Variants in SMAP1 observed in about 807,000 individuals in gnomAD.
SMAP1 encodes the protein small ArfGAP 1.
Under a neutral mutation model 58.5 loss-of-function variants are expected in SMAP1, and 24 were observed. That is an observed-to-expected ratio of 0.41 (90% CI 0.30 to 0.58). The LOEUF (loss-of-function observed/expected upper bound fraction) is 0.58, where lower values mean the gene tolerates loss of function less well. SMAP1 is among the 20% of genes least tolerant of loss of function. SMAP1 has a pLI of 0.29. For missense variants in SMAP1, 563 were observed against 566.3 expected, an observed-to-expected ratio of 0.99 and a Z score of 0.06; for synonymous variants, 216 against 196.6, an observed-to-expected ratio of 1.10 and a Z score of -0.82.
chr6:70,670,358 G>A (rs1766212456), intron 1 of SMAP1, among the ~76,000 whole-genome samples: 1 of 152,112 alleles, frequency 6.6e-6, no homozygotes, highest in Non-Finnish European at 1.5e-5. Context: ...AAAATCACAG[G>A]TAAGGCCACT....
chr6:70,811,244 A>G (rs1289444904), intron 6 of SMAP1, among the ~76,000 whole-genome samples: 1 of 152,154 alleles, frequency 6.6e-6, no homozygotes, highest in Non-Finnish European at 1.5e-5. Flanking sequence ...TACCTACTAC[A>G]TGCCAAGTGC....
intron 6 of SMAP1, among the ~76,000 whole-genome samples, chr6:70,816,151 G>A (rs986922371): frequency 1.3e-5 from 2 of 152,084 alleles, no homozygotes; most frequent in Admixed American, 6.6e-5. Context: ...TTGAAACATT[G>A]TTAGGAGGAG....
intron 4 of SMAP1, among the ~76,000 whole-genome samples, chr6:70,780,076 C>T (rs1436620488): frequency 6.6e-6 from 1 of 152,152 alleles, no homozygotes; most frequent in Non-Finnish European, 1.5e-5. Flanking sequence ...TTTGCTTTAG[C>T]CCACATATGG....
chr6:70,761,913 T>A (rs1766761676), intron 3 of SMAP1, among the ~76,000 whole-genome samples: 1 of 152,080 alleles, frequency 6.6e-6, no homozygotes, highest in East Asian at 1.9e-4. Flanking sequence ...ATCTTCAAAC[T>A]CTTGTCAACC....
At chr6:70,859,532 GTCTAAC>G (rs1252455243) in intron 10 of SMAP1, 3 of 643,296 alleles carry the variant, frequency 4.7e-6, no homozygotes, top group Non-Finnish European at 7.6e-6. Context: ...TAAGAACACA[GTCTAAC>G]TCTGAGTGTA....
intron 6 of SMAP1, among the ~76,000 whole-genome samples, chr6:70,818,066 C>T (rs1769718596): frequency 3.9e-5 from 6 of 152,110 alleles, no homozygotes; most frequent in Admixed American, 3.9e-4. Flanking sequence ...ACTTTCTCCT[C>T]TTTCTAAATT....
intron 1 of SMAP1, among the ~76,000 whole-genome samples, chr6:70,727,515 T>C (rs185627685): frequency 2.0e-5 from 3 of 152,348 alleles, no homozygotes; most frequent in African/African-American, 7.2e-5. Flanking sequence ...TTTGTACTTA[T>C]TACTATAACC....
intron 6 of SMAP1, among the ~76,000 whole-genome samples, chr6:70,835,016 G>A (rs1482414868): frequency 2.0e-5 from 3 of 151,744 alleles, no homozygotes; most frequent in Non-Finnish European, 4.4e-5. Flanking sequence ...TTGGGAGGCC[G>A]AGGCTAGCGG....
At chr6:70,791,806 T>C (rs1768374419) in intron 5 of SMAP1, 37 bp downstream of exon 5, 2 of 1,554,380 alleles carry the variant, frequency 1.3e-6, no homozygotes, top group South Asian at 1.1e-5. Flanking sequence ...TTATGTAGTG[T>C]TAAATGGTAA....
At chr6:70,681,427 A>T (rs1562089598) in intron 1 of SMAP1, among the ~76,000 whole-genome samples, 3 of 152,228 alleles carry the variant, frequency 2.0e-5, no homozygotes, top group Admixed American at 1.3e-4. Context: ...ACCCTGTCTC[A>T]AAAACAAAAA....
intron 8 of SMAP1, 48 bp from the exon 9 acceptor site, chr6:70,856,811 G>A: frequency 6.6e-7 from 1 of 1,520,910 alleles, no homozygotes; most frequent in Non-Finnish European, 8.9e-7. Flanking sequence ...TGGATAAGCT[G>A]CGCTTTACTA....
At chr6:70,768,373 C>A (rs1767100461) in intron 3 of SMAP1, among the ~76,000 whole-genome samples, 1 of 152,184 alleles carries the variant, frequency 6.6e-6, no homozygotes, top group Admixed American at 6.5e-5. Context: ...GTGAATCCAT[C>A]TGGTCCTGGA....
At chr6:70,709,895 G>A (rs1278793931) in intron 1 of SMAP1, among the ~76,000 whole-genome samples, 2 of 151,664 alleles carry the variant, frequency 1.3e-5, no homozygotes, top group East Asian at 1.9e-4. Flanking sequence ...ATAGTTTTCG[G>A]TGTGTAGATC....
At chr6:70,799,752 T>C (rs1392128726) in intron 6 of SMAP1, among the ~76,000 whole-genome samples, 1 of 152,218 alleles carries the variant, frequency 6.6e-6, no homozygotes, top group Admixed American at 6.5e-5. Context: ...CTTTTGTATA[T>C]GGAATCTAAG....
intron 6 of SMAP1, among the ~76,000 whole-genome samples, chr6:70,802,932 A>G (rs1768929150): frequency 6.6e-6 from 1 of 152,182 alleles, no homozygotes; most frequent in Admixed American, 6.5e-5. Flanking sequence ...GGATTTTCGC[A>G]TCGATGTTCA....
At chr6:70,816,425 C>T (rs1397370652) in intron 6 of SMAP1, among the ~76,000 whole-genome samples, 1 of 152,130 alleles carries the variant, frequency 6.6e-6, no homozygotes, top group East Asian at 1.9e-4. Context: ...AAAAGAGAAA[C>T]TAGCTAAGAA....
At chr6:70,674,329 T>G (rs1766391358) in intron 1 of SMAP1, among the ~76,000 whole-genome samples, 1 of 152,114 alleles carries the variant, frequency 6.6e-6, no homozygotes, top group African/African-American at 2.4e-5. Context: ...CCCAGGCTAG[T>G]CTTGAACTCC....
chr6:70,807,688 A>G (rs1311071693), intron 6 of SMAP1, among the ~76,000 whole-genome samples: 1 of 152,196 alleles, frequency 6.6e-6, no homozygotes, highest in African/African-American at 2.4e-5. Context: ...GAACATGCAA[A>G]ATAATCTTTT....
In SMAP1 at chr6:70,729,991, A is replaced by T. The variant is rs76896013; in HGVS notation, c.119-2387A>T. ...TTCATTTTCATGATATTTCCAGTTG[A>T]TGTGCATGCACATTAGGGTTTGAGA... is the stretch of plus-strand genomic sequence containing the variant. On this transcript the variant is annotated intron_variant, in intron 1 of 10. Transcript: ENST00000370455. Among the ~76,000 whole-genome samples the T allele has an allele frequency of 7.1e-3, 1,079 of 152,276 alleles. 12 individuals carry two copies. Among genetic ancestry groups the T allele is most frequent in the African/African-American group, 0.024 (1,012 of 41,530 alleles).
Sources: gnomAD v4.1 joint callset for allele counts (sites outside exome capture counted in the v4.1 genomes callset) on GRCh38, gnomAD v4.1.1 for gene constraint, MANE v1.5 for transcripts, NCBI Gene and HGNC (gene_info 2026-07-23, HGNC 2026-07-21) for gene names.